Variants in RPA3 observed in about 807,000 individuals in gnomAD.
RPA3 encodes replication protein A 14 kDa subunit.
Under a neutral mutation model 13.7 loss-of-function variants are expected in RPA3, and 24 were observed. The observed-to-expected ratio is 1.75, with a 90% confidence interval of 1.27 to 2.46. The LOEUF (loss-of-function observed/expected upper bound fraction) is 2.46, where lower values mean the gene tolerates loss of function less well. RPA3 is among the 30% of genes most tolerant of loss of function. RPA3 has a pLI of 0.00. For synonymous variants in RPA3, 59 were observed against 51.2 expected (o/e 1.15, Z -0.65); for missense variants, 183 against 151.0 (o/e 1.21, Z -1.11).
intron 4 of RPA3, among the ~76,000 whole-genome samples, chr7:7,658,558 A>G (rs1250595744): frequency 6.6e-6 from 1 of 152,162 alleles, no homozygotes; most frequent in East Asian, 1.9e-4. Flanking sequence ...TTCTGCATCT[A>G]TTGAGATAGT....
At chr7:7,703,946 GGAAA>G (rs1260012981) in intron 2 of RPA3, among the ~76,000 whole-genome samples, 2 of 150,640 alleles carry the variant, frequency 1.3e-5, no homozygotes, top group South Asian at 2.1e-4. Context: ...TCTTAACAAA[GGAAA>G]GAAAGAAGGA....
At chr7:7,680,213 T>C (rs573047817) in intron 4 of RPA3, among the ~76,000 whole-genome samples, 1 of 152,284 alleles carries the variant, frequency 6.6e-6, no homozygotes, top group African/African-American at 2.4e-5. Flanking sequence ...TGATTTGATT[T>C]TTGTATGTGG....
intron 2 of RPA3, among the ~76,000 whole-genome samples, chr7:7,704,825 C>T (rs1201858781): frequency 1.7e-5 from 2 of 119,918 alleles, no homozygotes; most frequent in Non-Finnish European, 3.5e-5. Context: ...GCCAGTTTAA[C>T]TTATAGATTG....
chr7:7,702,622 A>G (rs1780488300), intron 2 of RPA3, among the ~76,000 whole-genome samples: 1 of 152,230 alleles, frequency 6.6e-6, no homozygotes, highest in Non-Finnish European at 1.5e-5. Flanking sequence ...CAAAGATGAA[A>G]ATAAAAAGCA....
chr7:7,710,822 T>C (rs759491637), intron 2 of RPA3, among the ~76,000 whole-genome samples: 4 of 152,176 alleles, frequency 2.6e-5, no homozygotes, highest in Non-Finnish European at 5.9e-5. Context: ...GTTAAATCTA[T>C]GGTATATCTA....
intron 4 of RPA3, among the ~76,000 whole-genome samples, chr7:7,647,669 G>A (rs1043433234): frequency 9.2e-5 from 14 of 152,212 alleles, no homozygotes; most frequent in Admixed American, 2.6e-4. Context: ...CTGCAGTGGC[G>A]TGATTGTGGT....
At chr7:7,650,222 C>T (rs1785193218) in intron 4 of RPA3, among the ~76,000 whole-genome samples, 1 of 152,148 alleles carries the variant, frequency 6.6e-6, no homozygotes, top group Non-Finnish European at 1.5e-5. Context: ...GTAACTCTGC[C>T]TAGACATTAT....
intron 4 of RPA3, among the ~76,000 whole-genome samples, chr7:7,670,055 T>G (rs1779567147): frequency 6.6e-6 from 1 of 152,234 alleles, no homozygotes; most frequent in East Asian, 1.9e-4. Context: ...TTTGATGTTT[T>G]AGGTCATTAA....
At chr7:7,669,904 T>G (rs941887149) in intron 4 of RPA3, among the ~76,000 whole-genome samples, 1 of 152,196 alleles carries the variant, frequency 6.6e-6, no homozygotes, top group African/African-American at 2.4e-5. Flanking sequence ...TTTCTTGACT[T>G]TTGGAGCCTA....
chr7:7,662,949 T>G (rs1785511244), intron 4 of RPA3, among the ~76,000 whole-genome samples: 1 of 152,200 alleles, frequency 6.6e-6, no homozygotes, highest in Non-Finnish European at 1.5e-5. Context: ...GTTTTAGATG[T>G]GAAATTAAAA....
At position 7,640,627 on chromosome 7, in the gene RPA3, T is replaced by A. The variant is rs1158205343; in HGVS notation, c.-209A>T. 1.8e-6 allele frequency: 1 copy of A among 569,316 alleles called. No homozygotes were observed. Among genetic ancestry groups the A allele is most frequent in the East Asian group, 3.0e-5 (1 of 33,038 alleles). 35.3% of individuals were successfully genotyped at this position (569,316 alleles called of 1,614,324 possible). The stretch of plus-strand genomic sequence containing the variant: ...GCTGGATGAGTCCGGAAGTGGAGAT[T>A]GGCTGCTTAGTGACGCGCGGCGTCC... On this transcript the variant is annotated 5_prime_UTR_variant, in exon 5 of 8. Transcript: ENST00000223129.
At chr7:7,697,459 C>T (rs1780348658) in intron 2 of RPA3, among the ~76,000 whole-genome samples, 1 of 152,090 alleles carries the variant, frequency 6.6e-6, no homozygotes, top group Non-Finnish European at 1.5e-5. Context: ...TGGGTACATA[C>T]TGGAAACTTT....
At chr7:7,716,768 A>C (rs2115177574) in intron 1 of RPA3, among the ~76,000 whole-genome samples, 1 of 152,172 alleles carries the variant, frequency 6.6e-6, no homozygotes, top group South Asian at 2.1e-4. Flanking sequence ...ACACGGTGAA[A>C]CCCCGTCTCT....
At chr7:7,712,928 T>G (rs13242539) in intron 2 of RPA3, among the ~76,000 whole-genome samples, 24,914 of 152,170 alleles carry the variant, frequency 0.16, 2,343 homozygotes, top group South Asian at 0.2. Flanking sequence ...AAAATTATCT[T>G]GGCCTCGTGT....
chr7:7,648,330 C>G (rs1226425761), intron 4 of RPA3, among the ~76,000 whole-genome samples: 4 of 152,326 alleles, frequency 2.6e-5, no homozygotes, highest in African/African-American at 9.6e-5. Context: ...AGACTTTATA[C>G]TGTGTGGCCC....
intron 4 of RPA3, among the ~76,000 whole-genome samples, chr7:7,662,913 A>G (rs1442471345): frequency 7.2e-5 from 11 of 152,244 alleles, no homozygotes; most frequent in Admixed American, 3.3e-4. Context: ...GCTAGAAACT[A>G]TGTCCTTTAT....
chr7:7,654,094 G>A (rs778243367), intron 4 of RPA3, among the ~76,000 whole-genome samples: 18 of 152,148 alleles, frequency 1.2e-4, no homozygotes, highest in Non-Finnish European at 1.9e-4. Flanking sequence ...ATCACTGCTA[G>A]GCTACCCTTC....
chr7:7,665,939 G>A (rs1779442042), intron 4 of RPA3, among the ~76,000 whole-genome samples: 3 of 151,442 alleles, frequency 2.0e-5, no homozygotes, highest in Non-Finnish European at 4.4e-5. Context: ...CCTGTTATTG[G>A]ACATTTGGGT....
At chr7:7,649,718 C>T (rs1389039853) in intron 4 of RPA3, among the ~76,000 whole-genome samples, 3 of 134,302 alleles carry the variant, frequency 2.2e-5, no homozygotes, top group Non-Finnish European at 3.2e-5. Context: ...TTTTAACCTG[C>T]TGCCATGGTC....
Sources: gnomAD v4.1 joint callset for allele counts (sites outside exome capture counted in the v4.1 genomes callset) on GRCh38, gnomAD v4.1.1 for gene constraint, MANE v1.5 for transcripts, NCBI Gene and HGNC (gene_info 2026-07-23, HGNC 2026-07-21) for gene names.